The following ANO2 variants were observed in gnomAD, a reference collection of about 807,000 sequenced individuals.
ANO2 encodes anoctamin 2.
A neutral mutation model predicts 124.2 loss-of-function variants in ANO2; 101 were observed. The ratio of observed to expected loss-of-function variants is 0.81; its 90% CI spans 0.69 to 0.96. ANO2 has a LOEUF of 0.96. Among genes scored for constraint, ANO2 ranks in the 40% least tolerant of loss-of-function variants. The pLI is 0.00. For missense variants in ANO2, 1,293 were observed against 1,274.5 expected, an observed-to-expected ratio of 1.01 and a Z score of -0.22; for synonymous variants, 486 against 482.5, an observed-to-expected ratio of 1.01 and a Z score of -0.09.
At chr12:5,888,857 G>A (rs572100883) in intron 3 of ANO2, among the ~76,000 whole-genome samples, 4 of 152,360 alleles carry the variant, frequency 2.6e-5, no homozygotes, top group East Asian at 1.9e-4. Context: ...CACTGGGGCC[G>A]CAGGTGGAGC....
chr12:5,868,678 G>A (rs1386115652), intron 3 of ANO2, among the ~76,000 whole-genome samples: 1 of 152,136 alleles, frequency 6.6e-6, no homozygotes, highest in Non-Finnish European at 1.5e-5. Context: ...CCCTCTATGA[G>A]GCGAAAGCCC....
intron 3 of ANO2, among the ~76,000 whole-genome samples, chr12:5,893,143 AATATAAT>A (rs901576452): frequency 4.5e-4 from 68 of 152,308 alleles, no homozygotes; most frequent in South Asian, 8.3e-4. Flanking sequence ...ACATTTCTAG[AATATAAT>A]ATCAGAAAAC....
intron 3 of ANO2, among the ~76,000 whole-genome samples, chr12:5,907,533 A>G (rs545244899): frequency 6.6e-6 from 1 of 152,240 alleles, no homozygotes; most frequent in Admixed American, 6.5e-5. Context: ...AAGACAGTAA[A>G]CTCCCTGCAC....
chr12:5,728,401 AT>A (rs1473967881), intron 14 of ANO2, among the ~76,000 whole-genome samples: 4 of 152,296 alleles, frequency 2.6e-5, no homozygotes, highest in Non-Finnish European at 4.4e-5. Flanking sequence ...TATATTTTCA[AT>A]AGCATCAAAA....
At chr12:5,886,638 GT>G (rs1271454121) in intron 3 of ANO2, among the ~76,000 whole-genome samples, 1 of 152,210 alleles carries the variant, frequency 6.6e-6, no homozygotes, top group African/African-American at 2.4e-5. Flanking sequence ...TTTGGTAGAT[GT>G]TGGATATGTC....
chr12:5,838,711 G>A (rs61908361), intron 4 of ANO2, among the ~76,000 whole-genome samples: 27,035 of 152,120 alleles, frequency 0.18, 2,735 homozygotes, highest in Non-Finnish European at 0.21. Context: ...TTGGTACCCT[G>A]TGGATGAATA....
chr12:5,573,411 C>T (rs1942232721), intron 23 of ANO2, among the ~76,000 whole-genome samples: 1 of 152,222 alleles, frequency 6.6e-6, no homozygotes, highest in Non-Finnish European at 1.5e-5. Flanking sequence ...ACAAGTCACA[C>T]TGGTGCTGCC....
At chr12:5,620,842 C>T (rs1369224427) in intron 16 of ANO2, among the ~76,000 whole-genome samples, 3 of 152,034 alleles carry the variant, frequency 2.0e-5, no homozygotes, top group South Asian at 4.1e-4. Flanking sequence ...TTACAGCTAG[C>T]GCTGCCGCTT....
At chr12:5,941,752 C>A (rs1262195187) in intron 1 of ANO2, among the ~76,000 whole-genome samples, 1 of 150,376 alleles carries the variant, frequency 6.6e-6, no homozygotes, top group Non-Finnish European at 1.5e-5. Context: ...TGAACACTAC[C>A]AAATTCAAAA....
intron 20 of ANO2, among the ~76,000 whole-genome samples, chr12:5,581,133 G>A (rs754252766): frequency 1.8e-4 from 27 of 152,206 alleles, no homozygotes; most frequent in Admixed American, 5.9e-4. Context: ...ACAAGGAAAC[G>A]AAAACAGATG....
intron 14 of ANO2, among the ~76,000 whole-genome samples, chr12:5,717,211 G>A (rs1048671241): frequency 5.9e-5 from 9 of 152,228 alleles, no homozygotes; most frequent in African/African-American, 2.2e-4. Context: ...CACAGAGCAA[G>A]CCCTTGGATT....
chr12:5,661,862 T>C (rs251782), intron 14 of ANO2, among the ~76,000 whole-genome samples: 151,412 of 152,364 alleles, frequency 0.99, 75,237 homozygotes, highest in East Asian at 1. Flanking sequence ...AGGGCCTGTA[T>C]TCCTGTGGCT....
At chr12:5,688,669 T>C (rs1565569858) in intron 14 of ANO2, among the ~76,000 whole-genome samples, 1 of 152,202 alleles carries the variant, frequency 6.6e-6, no homozygotes, top group African/African-American at 2.4e-5. Flanking sequence ...TTAATCCAAA[T>C]TTGCCTATTA....
intron 14 of ANO2, among the ~76,000 whole-genome samples, chr12:5,668,216 T>A (rs4503625): frequency 0.1 from 15,414 of 152,216 alleles, 1,027 homozygotes; most frequent in African/African-American, 0.18. Context: ...CAGCATCTGT[T>A]GTTTTTTGAC....
intron 16 of ANO2, among the ~76,000 whole-genome samples, chr12:5,618,693 T>A (rs1306495160): frequency 6.6e-6 from 1 of 152,206 alleles, no homozygotes. Context: ...TCTAACCTGA[T>A]GCGCCTAAGA....
At chr12:5,575,664 A>G (rs975803470) in intron 23 of ANO2, among the ~76,000 whole-genome samples, 170 bp downstream of exon 23, 1 of 152,242 alleles carries the variant, frequency 6.6e-6, no homozygotes, top group Non-Finnish European at 1.5e-5. Flanking sequence ...CAGAAGATGT[A>G]TGGTAAAAAT....
At chr12:5,578,300 C>A in intron 21 of ANO2, 66 bp downstream of exon 21, 1 of 1,564,274 alleles carries the variant, frequency 6.4e-7, no homozygotes, top group Admixed American at 1.7e-5. Flanking sequence ...TGTGGTGTGA[C>A]TGTGGCCAGA....
chr12:5,854,133 G>T lies in ANO2; in HGVS notation c.543C>A (p.Ser181Arg). Residue 181 changes from serine (S) to arginine (R), a missense_variant, in exon 4 of 25, where the codon AGC becomes AGA. By Grantham distance (110) the Ser-to-Arg change is moderately radical. Transcript: ENST00000682330. ...GTATCCGGACAAAGATGGATCCCTGGCTTTTATTCTGCAAGGTACAAAGAA... is the reference window on the plus strand; with the variant it reads ...GTATCCGGACAAAGATGGATCCCTGTCTTTTATTCTGCAAGGTACAAAGAA... ...LELEKDLENK[S>R]QGSIFVRIHA... is the part of the protein sequence containing the mutation. 6.2e-7 allele frequency: 1 copy of T among 1,612,500 alleles called. No individual in the cohort carries two copies. Among genetic ancestry groups the T allele is most frequent in the Admixed American group, 1.7e-5 (1 of 59,974 alleles).
chr12:5,858,425 G>A (rs1955171513), intron 3 of ANO2, among the ~76,000 whole-genome samples: 1 of 152,098 alleles, frequency 6.6e-6, no homozygotes, highest in Non-Finnish European at 1.5e-5. Flanking sequence ...AGACTATCTA[G>A]GTGTATAGCT....
Sources: allele counts gnomAD v4.1 joint callset (sites outside exome capture counted in the v4.1 genomes callset), GRCh38; gene constraint gnomAD v4.1.1; transcripts MANE v1.5; gene names NCBI Gene and HGNC (gene_info 2026-07-23, HGNC 2026-07-21).